Variants in SLC17A8 observed in about 807,000 individuals in gnomAD.
SLC17A8 encodes the protein vesicular glutamate transporter 3.
SLC17A8 carries 31 observed loss-of-function variants against 58.0 expected under a neutral mutation model. The ratio of observed to expected loss-of-function variants is 0.53; its 90% confidence interval spans 0.40 to 0.72. The LOEUF is 0.72. SLC17A8 is among the 30% of genes least tolerant of loss of function. The probability of loss-of-function intolerance (pLI) is 0.00; values close to 1 mark genes in which losing one functional copy is unlikely to be tolerated. For missense variants in SLC17A8, 655 were observed against 727.8 expected (o/e 0.90, Z 1.15); for synonymous variants, 228 against 249.0 (o/e 0.92, Z 0.79).
chr12:100,390,950 T>C (rs2135994855), intron 2 of SLC17A8, 51 bp from the exon 3 acceptor site: 1 of 1,235,780 alleles, frequency 8.1e-7, no homozygotes, highest in Non-Finnish European at 1.2e-6. Flanking sequence ...TAAAAAATGG[T>C]TGTCAGCCTT....
At chr12:100,417,980 T>C (rs778657787) in intron 10 of SLC17A8, 49 bp from the exon 11 acceptor site, 10 of 1,613,484 alleles carry the variant, frequency 6.2e-6, no homozygotes, top group Non-Finnish European at 7.6e-6. Context: ...CAAAGCATAT[T>C]TGAAATTCTG....
At chr12:100,407,479 G>GT (rs1024144522) in intron 9 of SLC17A8, among the ~76,000 whole-genome samples, 2 of 151,838 alleles carry the variant, frequency 1.3e-5, no homozygotes, top group African/African-American at 2.4e-5. Context: ...AGAGGAAATA[G>GT]TTTTTTTTCT....
intron 1 of SLC17A8, among the ~76,000 whole-genome samples, chr12:100,368,547 A>G (rs1952536851): frequency 2.6e-5 from 4 of 151,924 alleles, no homozygotes. Flanking sequence ...ATATTGATGA[A>G]CTCTCCCTTA....
chr12:100,393,906 G>A (rs1419514755), intron 4 of SLC17A8, among the ~76,000 whole-genome samples: 1 of 152,120 alleles, frequency 6.6e-6, no homozygotes, highest in Non-Finnish European at 1.5e-5. Context: ...GGAGCCAGAA[G>A]GTAAATATTT....
At chr12:100,406,108 C>T (rs1248774043) in intron 9 of SLC17A8, among the ~76,000 whole-genome samples, 2 of 152,228 alleles carry the variant, frequency 1.3e-5, no homozygotes, top group African/African-American at 4.8e-5. Flanking sequence ...CTGTCTCTGA[C>T]TTTGCCCACT....
At chr12:100,401,561 G>A (rs1324256199) in intron 5 of SLC17A8, among the ~76,000 whole-genome samples, 1 of 151,960 alleles carries the variant, frequency 6.6e-6, no homozygotes, top group Non-Finnish European at 1.5e-5. Context: ...TCTAAATCCT[G>A]TGTGGTCTCT....
chr12:100,403,841 CAGATAG>C (rs1437541396), intron 8 of SLC17A8, among the ~76,000 whole-genome samples, 191 bp from the exon 9 acceptor site: 2 of 152,138 alleles, frequency 1.3e-5, no homozygotes, highest in Non-Finnish European at 1.5e-5. Context: ...GTAGAGGACA[CAGATAG>C]GTCTAAAATC....
chr12:100,411,184 A>G (rs936413438), intron 9 of SLC17A8, among the ~76,000 whole-genome samples: 1 of 151,788 alleles, frequency 6.6e-6, no homozygotes, highest in Non-Finnish European at 1.5e-5. Flanking sequence ...GGAAGAGGCC[A>G]GGGGTGGTGG....
intron 1 of SLC17A8, among the ~76,000 whole-genome samples, chr12:100,361,975 C>CAA (rs200962391): frequency 2.0e-5 from 3 of 150,200 alleles, no homozygotes; most frequent in African/African-American, 7.4e-5. Flanking sequence ...AAAAACAAAA[C>CAA]AAAAAAAAAC....
In SLC17A8 at chr12:100,380,909, G is replaced by A. The variant is rs373954823; in HGVS notation, c.310G>A (p.Val104Ile). 84 of 1,614,030 alleles carry A rather than the reference G, an allele frequency of 5.2e-5. No homozygotes were observed. The African/African-American group carries it at 9.3e-4, about 18-fold the overall frequency. The change falls in exon 2 of 12, where the codon GTC becomes ATC. Residue 104 changes from valine to isoleucine, a missense_variant. Coordinates refer to ENST00000323346, the MANE Select transcript of SLC17A8 (RefSeq NM_139319.3). ...CNLGVAIVEM[V>I]NNSTVYVDGK... ...TCTTGGAGTTGCCATTGTGGAAATG[G>A]TCAACAATAGCACCGTATATGTTGA... is the stretch of plus-strand genomic sequence containing the variant.
chr12:100,378,801 C>A (rs1952612281), intron 1 of SLC17A8, among the ~76,000 whole-genome samples: 1 of 152,084 alleles, frequency 6.6e-6, no homozygotes. Flanking sequence ...GGTTCTTTTC[C>A]AATTGCTTTA....
At position 100,413,013 on chromosome 12, in the gene SLC17A8, G is replaced by C. The variant is rs571713673; in HGVS notation, c.1297+133G>C. The C allele has an allele frequency of 4.5e-5, 34 of 761,452 alleles. No individual in the cohort carries two copies. The East Asian group carries it at 8.8e-4, about 20-fold the overall frequency. 47.2% of individuals were successfully genotyped at this position (761,452 alleles called of 1,614,324 possible). ...TCAGAGAGCAGGACCACCGTCCAGAGAATGTGATCTAGTGGGGGTGATTTT... is the reference window on the plus strand; with the variant it reads ...TCAGAGAGCAGGACCACCGTCCAGACAATGTGATCTAGTGGGGGTGATTTT... On this transcript the variant is annotated intron_variant, in intron 10 of 11. Transcript: ENST00000323346.
chr12:100,381,022 A>G, intron 2 of SLC17A8, 69 bp downstream of exon 2: 1 of 1,587,630 alleles, frequency 6.3e-7, no homozygotes, highest in Non-Finnish European at 8.6e-7. Flanking sequence ...CCCAGGCTAG[A>G]GTACAGTGGC....
Position 100,390,793 on chromosome 12 carries a change from CTG to C in SLC17A8, c.355-207_355-206del, listed in dbSNP as rs575258372. On this transcript the variant is annotated intron_variant, in intron 2 of 11. Coordinates refer to ENST00000323346, the MANE Select transcript of SLC17A8 (RefSeq NM_139319.3). Reference sequence around the variant, plus strand: ...GGTCCCACCTCAGCCTCCTAAATAACTGGGACTACAGGCACACACCACTACGC... The same window carrying C: ...GGTCCCACCTCAGCCTCCTAAATAACGGACTACAGGCACACACCACTACGC... Among the ~76,000 whole-genome samples the C allele has an allele frequency of 1.2e-4, 19 of 152,248 alleles. No individual in the cohort carries two copies. The East Asian group carries it at 3.3e-3, about 26-fold the overall frequency.
At chr12:100,418,233 C>G in intron 11 of SLC17A8, 77 bp downstream of exon 11, 10 of 1,572,138 alleles carry the variant, frequency 6.4e-6, no homozygotes, top group Non-Finnish European at 8.7e-6. Flanking sequence ...TTTCAAGGCT[C>G]TACTGCAGTC....
intron 1 of SLC17A8, among the ~76,000 whole-genome samples, chr12:100,376,443 A>G (rs563327173): frequency 4.6e-5 from 7 of 152,336 alleles, no homozygotes; most frequent in Admixed American, 4.6e-4. Flanking sequence ...ATTGAGAAGG[A>G]GCATGGCCTG....
chr12:100,419,756 A>G (rs1373696482), intron 11 of SLC17A8, 59 bp from the exon 12 acceptor site: 5 of 1,549,128 alleles, frequency 3.2e-6, no homozygotes, highest in Non-Finnish European at 4.4e-6. Context: ...CCTCCAGGAC[A>G]TACTGGTAAT....
At chr12:100,379,254 G>T (rs4764739) in intron 1 of SLC17A8, among the ~76,000 whole-genome samples, 145,423 of 151,834 alleles carry the variant, frequency 0.96, 69,706 homozygotes, top group East Asian at 1. Context: ...GGCTAACACG[G>T]TGAAACCCCG....
intron 1 of SLC17A8, among the ~76,000 whole-genome samples, chr12:100,366,050 CTTTTTTTTTTT>C (rs67071341): frequency 2.4e-4 from 22 of 90,862 alleles, no homozygotes; most frequent in Non-Finnish European, 3.3e-4. Flanking sequence ...GTGATCCCTT[CTTTTTTTTTTT>C]TTTTTTTTTT....
Sources: allele counts gnomAD v4.1 joint callset (sites outside exome capture counted in the v4.1 genomes callset), GRCh38; gene constraint gnomAD v4.1.1; transcripts MANE v1.5; gene names NCBI Gene and HGNC (gene_info 2026-07-23, HGNC 2026-07-21).